DCLK1: variants seen among roughly 807,000 people sequenced by gnomAD.
The protein encoded by DCLK1 is serine/threonine-protein kinase DCLK1.
A neutral mutation model predicts 86.2 loss-of-function variants in DCLK1; 16 were observed. That is an observed-to-expected ratio of 0.19 (90% confidence interval 0.13 to 0.28). The LOEUF (loss-of-function observed/expected upper bound fraction) is 0.28, where lower values mean the gene tolerates loss of function less well. Among genes scored for constraint, DCLK1 ranks in the 10% least tolerant of loss-of-function variants. The pLI, the probability that DCLK1 is intolerant of heterozygous loss-of-function variation, is 1.00. For missense variants in DCLK1, 590 were observed against 940.2 expected, an observed-to-expected ratio of 0.63 and a Z score of 4.87; for synonymous variants, 369 against 370.5, an observed-to-expected ratio of 1.00 and a Z score of 0.05.
At chr13:36,043,204 A>G (rs185793974) in intron 3 of DCLK1, among the ~76,000 whole-genome samples, 1 of 152,278 alleles carries the variant, frequency 6.6e-6, no homozygotes, top group Non-Finnish European at 1.5e-5. Flanking sequence ...GGAAAGTGTA[A>G]TTGACCATGA....
At chr13:35,818,764 T>C (rs1670833135) in intron 11 of DCLK1, among the ~76,000 whole-genome samples, 2 of 152,148 alleles carry the variant, frequency 1.3e-5, no homozygotes, top group Admixed American at 1.3e-4. Flanking sequence ...CATCTAGTGG[T>C]GACTTGTGTA....
chr13:35,993,537 A>G (rs917526735), intron 3 of DCLK1, among the ~76,000 whole-genome samples: 5 of 152,156 alleles, frequency 3.3e-5, no homozygotes, highest in Non-Finnish European at 5.9e-5. Flanking sequence ...TAGACTTGCC[A>G]CTTACTATCT....
Position 35,877,576 on chromosome 13 carries a change from C to A in DCLK1, c.824-6236G>T, listed in dbSNP as rs946827696. ...ACTCTTTGAACAAGAAATGGTTTTA[C>A]TTTTCTAGTCTCTTTTTTGAAACCA... On this transcript the variant is annotated intron_variant, in intron 4 of 16. Transcript: ENST00000360631. Among the ~76,000 whole-genome samples, 6 of 152,306 alleles carry A rather than the reference C, an allele frequency of 3.9e-5. No individual in the cohort carries two copies. The South Asian group carries it at 1.0e-3, about 26-fold the overall frequency.
At chr13:35,996,306 C>T (rs1192208947) in intron 3 of DCLK1, among the ~76,000 whole-genome samples, 1 of 152,216 alleles carries the variant, frequency 6.6e-6, no homozygotes, top group African/African-American at 2.4e-5. Context: ...CTTCATCATT[C>T]GCTTCAGTGT....
intron 11 of DCLK1, among the ~76,000 whole-genome samples, chr13:35,812,955 C>T (rs934195498): frequency 2.0e-5 from 3 of 152,234 alleles, no homozygotes; most frequent in African/African-American, 7.2e-5. Context: ...TTTGAGGCAT[C>T]ACAGCTGCAA....
intron 4 of DCLK1, among the ~76,000 whole-genome samples, chr13:35,894,213 C>T (rs1873812498): frequency 2.0e-5 from 3 of 152,092 alleles, no homozygotes; most frequent in East Asian, 1.9e-4. Context: ...GGATACTCAA[C>T]GTGTACTTCC....
chr13:36,049,990 C>T (rs1404377384), intron 3 of DCLK1, among the ~76,000 whole-genome samples: 1 of 152,108 alleles, frequency 6.6e-6, no homozygotes, highest in African/African-American at 2.4e-5. Context: ...AATGCTCCCT[C>T]CATGACATCC....
intron 11 of DCLK1, among the ~76,000 whole-genome samples, chr13:35,812,338 G>C (rs951484745): frequency 7.2e-5 from 11 of 152,230 alleles, no homozygotes; most frequent in African/African-American, 2.6e-4. Context: ...AATGCCTCAA[G>C]GAAGCAGCTA....
chr13:36,118,104 A>G (rs551225205), intron 2 of DCLK1, among the ~76,000 whole-genome samples: 1 of 152,342 alleles, frequency 6.6e-6, no homozygotes, highest in East Asian at 1.9e-4. Context: ...ATGAAATAAA[A>G]ATGATTCCAT....
intron 8 of DCLK1, among the ~76,000 whole-genome samples, chr13:35,831,485 T>A (rs763872494): frequency 1.3e-5 from 2 of 152,268 alleles, no homozygotes; most frequent in South Asian, 4.1e-4. Flanking sequence ...CCTTCCTGCA[T>A]ACCTCGAACT....
chr13:35,869,084 C>A, intron 5 of DCLK1: 1 of 505,864 alleles, frequency 2.0e-6, no homozygotes, highest in Non-Finnish European at 3.9e-6. Context: ...AGCCACCAGG[C>A]CCGGGCCTAT....
intron 3 of DCLK1, among the ~76,000 whole-genome samples, chr13:35,960,055 G>A (rs1365105456): frequency 2.0e-5 from 3 of 151,986 alleles, no homozygotes; most frequent in African/African-American, 7.3e-5. Flanking sequence ...CCTTTTCCTG[G>A]AGAGAGGAGG....
At position 36,126,072 on chromosome 13, in the gene DCLK1, G is replaced by T. The variant is rs1886168583; in HGVS notation, c.66C>A (p.Ser22Arg). 1 of 1,612,622 alleles carries T rather than the reference G, an allele frequency of 6.2e-7. No homozygotes were observed. The change falls in exon 2 of 17, where the codon AGC becomes AGA. Residue 22 changes from serine to arginine, a missense_variant. Physicochemically the swap from Ser to Arg is moderately radical, Grantham distance 110. Coordinates refer to ENST00000360631, the MANE Select transcript of DCLK1 (RefSeq NM_001330071.2). ...GCAGGCCGTTCACCCGCGACCCTCG[G>T]CTGTATCTCTGCGCCTTATCCCGCT... ...FDERDKAQRY[S>R]RGSRVNGLPS... is the part of the protein sequence containing the mutation.
chr13:35,936,577 T>C (rs896865048), intron 4 of DCLK1, among the ~76,000 whole-genome samples: 2 of 152,088 alleles, frequency 1.3e-5, no homozygotes, highest in Admixed American at 1.3e-4. Flanking sequence ...TCAATAGGGG[T>C]TTCACTGGAA....
intron 3 of DCLK1, among the ~76,000 whole-genome samples, chr13:35,967,838 A>T (rs962116828): frequency 4.0e-5 from 6 of 151,800 alleles, no homozygotes; most frequent in Non-Finnish European, 8.8e-5. Context: ...ACTAAAAAAA[A>T]TTTAAAAAAA....
At chr13:35,991,819 A>G (rs1566636078) in intron 3 of DCLK1, among the ~76,000 whole-genome samples, 1 of 152,134 alleles carries the variant, frequency 6.6e-6, no homozygotes, top group East Asian at 1.9e-4. Context: ...ATTCCAGATC[A>G]TTTTGTGAGC....
chr13:36,023,154 G>GGGAT, intron 3 of DCLK1, among the ~76,000 whole-genome samples: 1 of 152,194 alleles, frequency 6.6e-6, no homozygotes, highest in East Asian at 1.9e-4. Flanking sequence ...TCTGTAGGGA[G>GGGAT]AGATAGATAG....
At chr13:36,034,856 C>T (rs1882425835) in intron 3 of DCLK1, among the ~76,000 whole-genome samples, 1 of 152,108 alleles carries the variant, frequency 6.6e-6, no homozygotes, top group Non-Finnish European at 1.5e-5. Context: ...CGCCTCTTCC[C>T]ATTTGAAAGA....
chr13:36,084,555 G>C (rs963592481), intron 3 of DCLK1, among the ~76,000 whole-genome samples: 4 of 152,150 alleles, frequency 2.6e-5, no homozygotes, highest in African/African-American at 9.7e-5. Flanking sequence ...GGGGACAAAA[G>C]CCCAGATCTG....
Sources: gnomAD v4.1 joint callset for allele counts (sites outside exome capture counted in the v4.1 genomes callset) on GRCh38, gnomAD v4.1.1 for gene constraint, MANE v1.5 for transcripts, NCBI Gene and HGNC (gene_info 2026-07-23, HGNC 2026-07-21) for gene names.